TXLNB: variants seen among roughly 807,000 people sequenced by gnomAD.
TXLNB encodes the protein beta-taxilin.
Under a neutral mutation model 57.4 loss-of-function variants are expected in TXLNB, and 37 were observed. That is an observed-to-expected ratio of 0.64 (90% CI 0.50 to 0.85). The LOEUF is 0.85. Ranked by LOEUF, TXLNB falls within the 40% of genes least tolerant of loss-of-function variation. TXLNB has a pLI of 0.00. For missense variants in TXLNB, 848 were observed against 825.6 expected (o/e 1.03, Z -0.33); for synonymous variants, 302 against 309.6 (o/e 0.98, Z 0.26).
At chr6:139,210,646 G>A in the TXLNB span, among the ~76,000 whole-genome samples, 1 of 152,260 alleles carries the variant, frequency 6.6e-6, no homozygotes, top group Admixed American at 6.5e-5. Flanking sequence ...AGGACAGTGG[G>A]TGCAGTGCAC....
chr6:139,295,129 T>TA (rs1422735124), upstream of TXLNB, among the ~76,000 whole-genome samples: 1 of 151,820 alleles, frequency 6.6e-6, no homozygotes, highest in African/African-American at 2.4e-5. Context: ...CTTGAATAGA[T>TA]ACACACATGA....
At position 139,247,806 on chromosome 6, in the gene TXLNB, G is replaced by T; in HGVS notation, c.1170+11C>A. 1.9e-6 allele frequency: 3 copies of T among 1,574,768 alleles called. No individual in the cohort carries two copies. Among genetic ancestry groups the T allele is most frequent in the Non-Finnish European group, 1.7e-6 (2 of 1,154,030 alleles). On this transcript the variant is annotated intron_variant, in intron 8 of 9. Transcript: ENST00000358430. ...AATGTCAATATTTTGTTGGTGATAA[G>T]CAATACTCACTTTGTCCATTTCCTG...
the TXLNB span, among the ~76,000 whole-genome samples, chr6:139,164,087 C>G: frequency 6.6e-5 from 10 of 151,544 alleles, no homozygotes; most frequent in Admixed American, 6.6e-4. Flanking sequence ...CACACTCTCT[C>G]TCTCTCTCTC....
the TXLNB span, among the ~76,000 whole-genome samples, chr6:139,172,794 CACT>C: frequency 6.6e-6 from 1 of 152,228 alleles, no homozygotes; most frequent in South Asian, 2.1e-4. Flanking sequence ...CTGTAAGCCT[CACT>C]TCCTACTCTC....
the TXLNB span, among the ~76,000 whole-genome samples, chr6:139,187,873 T>A: frequency 6.6e-6 from 1 of 152,234 alleles, no homozygotes; most frequent in Admixed American, 6.5e-5. Flanking sequence ...AGTCCCTACC[T>A]GGGGGTGTTA....
the TXLNB span, among the ~76,000 whole-genome samples, chr6:139,310,526 A>C: frequency 1.3e-5 from 2 of 152,264 alleles, no homozygotes; most frequent in Non-Finnish European, 2.9e-5. Flanking sequence ...TGGCAGTTTA[A>C]GGATAGCCAC....
chr6:139,288,984 T>A, intron 1 of TXLNB, 71 bp from the exon 2 acceptor site: 1 of 1,161,148 alleles, frequency 8.6e-7, no homozygotes, highest in Non-Finnish European at 1.2e-6. Context: ...ATTTCAATGG[T>A]AAGGATATCC....
chr6:139,298,612 TG>T, the TXLNB span, among the ~76,000 whole-genome samples: 1 of 152,196 alleles, frequency 6.6e-6, no homozygotes, highest in African/African-American at 2.4e-5. Context: ...TGGATTTTAG[TG>T]GCTACTATGG....
intron 2 of TXLNB, chr6:139,286,970 T>C (rs936720580): frequency 6.5e-6 from 1 of 152,808 alleles, no homozygotes; most frequent in Non-Finnish European, 1.5e-5. Flanking sequence ...GCACAATAAA[T>C]GTAATGCACT....
the TXLNB span, among the ~76,000 whole-genome samples, chr6:139,231,551 A>G: frequency 6.6e-6 from 1 of 152,196 alleles, no homozygotes; most frequent in Non-Finnish European, 1.5e-5. Flanking sequence ...TTTAAACTTA[A>G]AAGAAATTAT....
chr6:139,224,308 A>C, the TXLNB span, among the ~76,000 whole-genome samples: 1 of 61,860 alleles, frequency 1.6e-5, no homozygotes, highest in Non-Finnish European at 3.0e-5. Context: ...GGGTGGGGGG[A>C]GGGGGGGAGG....
At chr6:139,255,742 C>A in intron 6 of TXLNB, 104 bp from the exon 7 acceptor site, 1 of 821,318 alleles carries the variant, frequency 1.2e-6, no homozygotes, top group Non-Finnish European at 1.9e-6. Context: ...CATTAACCTC[C>A]TTAAGTAATT....
At position 139,243,146 on chromosome 6, in the gene TXLNB, C is replaced by A; in HGVS notation, c.1435G>T (p.Glu479Ter). ...QSQHNSDEEP[E>*]SNVSVDQEID... ...TCTTGATCCACAGAGACGTTTGACT[C>A]TGGCTCTTCATCGGAGTTGTGCTGA... is the stretch of plus-strand genomic sequence containing the variant. Residue 479 changes from glutamate (E) to a stop codon, truncating the protein, a stop_gained, in exon 10 of 10, where the codon GAG becomes TAG. Transcript: ENST00000358430. LOFTEE classifies it low-confidence loss of function (END_TRUNC). 6.2e-7 allele frequency: 1 copy of A among 1,614,198 alleles called. No individual in the cohort carries two copies. The highest frequency in any genetic ancestry group is 8.5e-7 in the Non-Finnish European group (1 of 1,180,038).
At chr6:139,226,671 C>T in the TXLNB span, among the ~76,000 whole-genome samples, 2 of 152,136 alleles carry the variant, frequency 1.3e-5, no homozygotes, top group African/African-American at 2.4e-5. Flanking sequence ...AGAGGCTATA[C>T]GCCTGACCAA....
chr6:139,270,444 A>G lies in TXLNB; in HGVS notation c.687+12T>C. The G allele has an allele frequency of 6.2e-7, 1 of 1,610,484 alleles. No homozygotes were observed. Among genetic ancestry groups the G allele is most frequent in the Non-Finnish European group, 8.5e-7 (1 of 1,178,542 alleles). On this transcript the variant is annotated intron_variant, in intron 4 of 9. Transcript: ENST00000358430. ...TCAAGAAATTATGTTATTCTGAGGC[A>G]TGGGGACATACCTTCAGAGTCTTGT...
chr6:139,160,049 A>G, the TXLNB span, among the ~76,000 whole-genome samples: 1 of 152,180 alleles, frequency 6.6e-6, no homozygotes, highest in Non-Finnish European at 1.5e-5. Context: ...GGCAGGATGC[A>G]GGGTAAGAAA....
chr6:139,209,670 A>C, the TXLNB span, among the ~76,000 whole-genome samples: 1 of 152,192 alleles, frequency 6.6e-6, no homozygotes, highest in Non-Finnish European at 1.5e-5. Flanking sequence ...CCACATGTAG[A>C]AGAAAGAAAC....
chr6:139,306,534 A>G, the TXLNB span, among the ~76,000 whole-genome samples: 2 of 152,246 alleles, frequency 1.3e-5, no homozygotes, highest in East Asian at 3.8e-4. Flanking sequence ...AGCATTTGTT[A>G]TCAGGAGTCA....
At chr6:139,321,352 T>G in the TXLNB span, among the ~76,000 whole-genome samples, 2 of 152,120 alleles carry the variant, frequency 1.3e-5, no homozygotes, top group Admixed American at 6.5e-5. Flanking sequence ...TTCTACCATA[T>G]GAAGATAAAG....
Sources: allele counts gnomAD v4.1 joint callset (sites outside exome capture counted in the v4.1 genomes callset), GRCh38; gene constraint gnomAD v4.1.1; transcripts MANE v1.5; gene names NCBI Gene and HGNC (gene_info 2026-07-23, HGNC 2026-07-21).